UNC93A: variants seen among roughly 807,000 people sequenced by gnomAD.
The protein encoded by UNC93A is unc-93 homolog A.
In UNC93A, 43 loss-of-function variants were observed where a neutral mutation model predicts 47.5. That is an observed-to-expected ratio of 0.91 (90% CI 0.71 to 1.17). The LOEUF is 1.17. UNC93A is among the 50% of genes most tolerant of loss of function. The pLI is 0.00. For synonymous variants in UNC93A, 280 were observed against 258.0 expected (o/e 1.09, Z -0.82); for missense variants, 605 against 577.6 (o/e 1.05, Z -0.49).
chr6:167,288,143 G>C (rs1783773383), upstream of UNC93A, among the ~76,000 whole-genome samples: 1 of 152,194 alleles, frequency 6.6e-6, no homozygotes, highest in African/African-American at 2.4e-5. Context: ...AGTATTTCCA[G>C]CCAGGCTTGC....
chr6:167,293,394 G>C (rs556084800), intron 1 of UNC93A, among the ~76,000 whole-genome samples: 1 of 152,142 alleles, frequency 6.6e-6, no homozygotes, highest in Non-Finnish European at 1.5e-5. Context: ...ACCCTGGTTC[G>C]AGGCCCCACC....
chr6:167,281,788 C>T (rs1353752157), intron 1 of UNC93A, among the ~76,000 whole-genome samples: 2 of 152,172 alleles, frequency 1.3e-5, no homozygotes, highest in African/African-American at 4.8e-5. Flanking sequence ...CTGGCCCAGC[C>T]CGGCCAGCCA....
intron 1 of UNC93A, among the ~76,000 whole-genome samples, chr6:167,272,509 G>A (rs1238547417): frequency 6.6e-6 from 1 of 152,222 alleles, no homozygotes; most frequent in Non-Finnish European, 1.5e-5. Flanking sequence ...ACAACCCTCA[G>A]GAGGTCCTGA....
At position 167,294,609 on chromosome 6, in the gene UNC93A, C is replaced by G; in HGVS notation, c.180C>G (p.Leu60=). 1 of 1,613,956 alleles carries G rather than the reference C, an allele frequency of 6.2e-7. No individual in the cohort carries two copies. Among genetic ancestry groups the G allele is most frequent in the African/African-American group, 1.3e-5 (1 of 74,986 alleles). Residue 60 remains leucine, a synonymous_variant, in exon 2 of 8, where the codon CTC becomes CTG. Transcript: ENST00000230256. ...TGTCCTCCATGTTCCTCCCACCGCTCCTCATCGAGAGGCTGGGCTGCAAGG... is the reference window on the plus strand; with the variant it reads ...TGTCCTCCATGTTCCTCCCACCGCTGCTCATCGAGAGGCTGGGCTGCAAGG... The part of the protein sequence containing the change: ...MLLSSMFLPP[L]LIERLGCKGT...
upstream of UNC93A, among the ~76,000 whole-genome samples, chr6:167,290,441 TG>T (rs1272797447): frequency 6.6e-6 from 1 of 152,158 alleles, no homozygotes; most frequent in Non-Finnish European, 1.5e-5. Flanking sequence ...TAGACAGAAA[TG>T]GCTGACTTCA....
intron 1 of UNC93A, among the ~76,000 whole-genome samples, chr6:167,286,167 C>T (rs976854767): frequency 6.6e-6 from 1 of 151,222 alleles, no homozygotes; most frequent in Non-Finnish European, 1.5e-5. Context: ...TAAGCAATAA[C>T]CTTCAATGCT....
At chr6:167,304,239 G>T (rs141972493) in intron 5 of UNC93A, 106 bp downstream of exon 5, 1 of 1,292,016 alleles carries the variant, frequency 7.7e-7, no homozygotes, top group Non-Finnish European at 1.1e-6. Context: ...ACCTGCCCAG[G>T]GCTGGGGCTG....
chr6:167,299,945 C>A (rs879718258), intron 4 of UNC93A, among the ~76,000 whole-genome samples: 1 of 152,164 alleles, frequency 6.6e-6, no homozygotes, highest in Non-Finnish European at 1.5e-5. Flanking sequence ...AGACAGCGGG[C>A]AGAGACCCAC....
chr6:167,271,756 A>C (rs1783454744), intron 1 of UNC93A, among the ~76,000 whole-genome samples: 1 of 152,172 alleles, frequency 6.6e-6, no homozygotes, highest in African/African-American at 2.4e-5. Flanking sequence ...ACATGGGAGC[A>C]CTCAGCCATG....
intron 7 of UNC93A, among the ~76,000 whole-genome samples, chr6:167,308,849 TG>T (rs1393867348): frequency 2.6e-5 from 4 of 151,878 alleles, no homozygotes; most frequent in African/African-American, 9.7e-5. Context: ...TGCGGCCCTG[TG>T]GGGAGCCGGG....
At chr6:167,306,376 A>G (rs1362307682) in intron 6 of UNC93A, among the ~76,000 whole-genome samples, 1 of 152,134 alleles carries the variant, frequency 6.6e-6, no homozygotes, top group Non-Finnish European at 1.5e-5. Flanking sequence ...GAGGGACACG[A>G]AGCCAGTGGT....
intron 4 of UNC93A, among the ~76,000 whole-genome samples, chr6:167,300,493 C>G (rs1778212142): frequency 6.6e-6 from 1 of 151,996 alleles, no homozygotes; most frequent in African/African-American, 2.4e-5. Context: ...AGGCTCTTAG[C>G]CAGTGAGAGG....
Position 167,294,714 on chromosome 6 carries a change from C to T in UNC93A, c.269+16C>T, listed in dbSNP as rs200250471. 602 of 1,572,256 alleles carry T rather than the reference C, an allele frequency of 3.8e-4. 2 individuals are homozygous for T. The African/African-American group carries it at 7.1e-3, about 19-fold the overall frequency. ...TCGCCAGCTGGTACGCAGCCACCAC[C>T]CCCTGCCCACCCCACCCCGGCCGTT... On this transcript the variant is annotated intron_variant, in intron 2 of 7. Transcript: ENST00000230256.
chr6:167,296,409 G>A (rs893446388), intron 3 of UNC93A, 148 bp downstream of exon 3: 4 of 835,232 alleles, frequency 4.8e-6, no homozygotes, highest in Non-Finnish European at 7.6e-6. Context: ...TTCTCAACCT[G>A]CCTGTGCTTC....
At chr6:167,295,787 C>T (rs1215600189) in intron 2 of UNC93A, among the ~76,000 whole-genome samples, 1 of 152,226 alleles carries the variant, frequency 6.6e-6, no homozygotes, top group Non-Finnish European at 1.5e-5. Context: ...GCATCCGATA[C>T]AAGGAGCCTC....
chr6:167,277,187 G>A (rs1783558015), intron 1 of UNC93A, among the ~76,000 whole-genome samples: 1 of 152,220 alleles, frequency 6.6e-6, no homozygotes, highest in African/African-American at 2.4e-5. Context: ...GTGACATGGA[G>A]TCTGGCCAAG....
At chr6:167,305,885 C>T (rs746339799) in intron 5 of UNC93A, 30 bp from the exon 6 acceptor site, 8 of 1,613,732 alleles carry the variant, frequency 5.0e-6, no homozygotes, top group Middle Eastern at 1.6e-4. Flanking sequence ...TGGGAGCGTC[C>T]ATGACGTGGC....
At chr6:167,280,246 C>CA (rs1208535893) in intron 1 of UNC93A, among the ~76,000 whole-genome samples, 1 of 152,152 alleles carries the variant, frequency 6.6e-6, no homozygotes, top group Non-Finnish European at 1.5e-5. Flanking sequence ...CCCCTGCAGG[C>CA]TCCCCGTGAG....
chr6:167,294,489 T>C (rs1226446216), intron 1 of UNC93A, 28 bp from the exon 2 acceptor site: 3 of 1,612,618 alleles, frequency 1.9e-6, no homozygotes, highest in Non-Finnish European at 2.5e-6. Context: ...CATCCTGTGC[T>C]CTGACAGGGC....
Sources: allele counts gnomAD v4.1 joint callset (sites outside exome capture counted in the v4.1 genomes callset), GRCh38; gene constraint gnomAD v4.1.1; transcripts MANE v1.5; gene names NCBI Gene and HGNC (gene_info 2026-07-23, HGNC 2026-07-21).